ARID1B: variants seen among roughly 807,000 people sequenced by gnomAD.
The protein encoded by ARID1B is AT-rich interactive domain-containing protein 1B.
ARID1B carries 30 observed loss-of-function variants against 212.3 expected under a neutral mutation model. The observed-to-expected ratio is 0.14, with a 90% CI of 0.11 to 0.19. The LOEUF (loss-of-function observed/expected upper bound fraction) is 0.19, where lower values mean the gene tolerates loss of function less well. Ranked by LOEUF, ARID1B falls within the 10% of genes least tolerant of loss-of-function variation. ARID1B has a pLI of 1.00. For synonymous variants in ARID1B, 1,402 were observed against 1,301.7 expected, an observed-to-expected ratio of 1.08 and a Z score of -1.66; for missense variants, 2,891 against 3,204.0, an observed-to-expected ratio of 0.90 and a Z score of 2.36.
At chr6:157,102,284 A>G (rs1786098807) in intron 5 of ARID1B, among the ~76,000 whole-genome samples, 1 of 152,200 alleles carries the variant, frequency 6.6e-6, no homozygotes, top group South Asian at 2.1e-4. Flanking sequence ...TCTGATCAGT[A>G]GTTGATCTGA....
chr6:156,949,364 G>T (rs1299622400), intron 4 of ARID1B, among the ~76,000 whole-genome samples: 1 of 152,162 alleles, frequency 6.6e-6, no homozygotes, highest in Non-Finnish European at 1.5e-5. Flanking sequence ...ACTCCACCTA[G>T]AGTACTTTGC....
chr6:157,153,789 C>T (rs148058729), intron 8 of ARID1B, among the ~76,000 whole-genome samples: 6 of 152,302 alleles, frequency 3.9e-5, no homozygotes, highest in African/African-American at 1.4e-4. Context: ...GCACGTGCCA[C>T]CATACCTGGC....
At chr6:156,800,767 C>A (rs1780724130) in intron 1 of ARID1B, among the ~76,000 whole-genome samples, 1 of 151,992 alleles carries the variant, frequency 6.6e-6, no homozygotes, top group Non-Finnish European at 1.5e-5. Context: ...ATTAGCCAGG[C>A]ATGGTGGTGT....
intron 2 of ARID1B, among the ~76,000 whole-genome samples, chr6:156,889,282 G>A (rs1787747921): frequency 6.6e-6 from 1 of 152,118 alleles, no homozygotes; most frequent in Non-Finnish European, 1.5e-5. Flanking sequence ...ATTTTTTCCT[G>A]TTGTTCTTCT....
intron 12 of ARID1B, among the ~76,000 whole-genome samples, chr6:157,184,007 C>G (rs1488700781): frequency 6.6e-6 from 1 of 152,158 alleles, no homozygotes; most frequent in Non-Finnish European, 1.5e-5. Context: ...ATGTGGCGGG[C>G]AGAAGGACCT....
At chr6:156,796,127 T>A (rs1780357025) in intron 1 of ARID1B, among the ~76,000 whole-genome samples, 1 of 152,228 alleles carries the variant, frequency 6.6e-6, no homozygotes, top group South Asian at 2.1e-4. Flanking sequence ...CATACCCCTG[T>A]AATTCTGTTT....
intron 3 of ARID1B, among the ~76,000 whole-genome samples, chr6:156,906,222 T>C (rs1347500121): frequency 1.3e-5 from 2 of 151,948 alleles, no homozygotes; most frequent in Non-Finnish European, 2.9e-5. Context: ...AATTTTTATC[T>C]AGGAGACAGG....
intron 6 of ARID1B, among the ~76,000 whole-genome samples, chr6:157,117,185 G>GTAC (rs1409574166): frequency 6.6e-6 from 1 of 152,050 alleles, no homozygotes; most frequent in African/African-American, 2.4e-5. Flanking sequence ...TTCTTTTTGC[G>GTAC]TACTACTACA....
At chr6:157,179,380 C>A (rs1418204331) in intron 11 of ARID1B, among the ~76,000 whole-genome samples, 1 of 151,970 alleles carries the variant, frequency 6.6e-6, no homozygotes, top group Non-Finnish European at 1.5e-5. Context: ...GTCAAGTAGG[C>A]CTTGGGTACA....
chr6:157,037,571 A>C (rs1336427235), intron 4 of ARID1B, among the ~76,000 whole-genome samples: 2 of 152,178 alleles, frequency 1.3e-5, no homozygotes, highest in Non-Finnish European at 2.9e-5. Context: ...AAAATATCTG[A>C]GGAAGCTAAA....
At chr6:157,110,840 C>A in intron 6 of ARID1B, 1 of 484,410 alleles carries the variant, frequency 2.1e-6, no homozygotes, top group South Asian at 2.7e-5. Context: ...TGACTGTAGT[C>A]TGGTATTTGG....
At chr6:156,926,909 T>TGAC (rs1791265036) in intron 3 of ARID1B, among the ~76,000 whole-genome samples, 1 of 152,188 alleles carries the variant, frequency 6.6e-6, no homozygotes, top group Non-Finnish European at 1.5e-5. Context: ...CTCGAACTCC[T>TGAC]GACGCCGTGA....
intron 7 of ARID1B, among the ~76,000 whole-genome samples, chr6:157,135,197 C>T (rs1024490425): frequency 6.6e-6 from 1 of 151,762 alleles, no homozygotes. Context: ...TGCTGTGTCT[C>T]CTTGGAAAAC....
chr6:157,163,880 G>C (rs1791127202), intron 8 of ARID1B, among the ~76,000 whole-genome samples: 1 of 152,264 alleles, frequency 6.6e-6, no homozygotes, highest in Non-Finnish European at 1.5e-5. Context: ...CATAGAGAAA[G>C]AAGTGTAGTA....
intron 2 of ARID1B, among the ~76,000 whole-genome samples, chr6:156,872,574 GCCTCCCAAAGTGCTGAGCCA>G (rs1295108580): frequency 6.6e-6 from 1 of 152,148 alleles, no homozygotes; most frequent in Non-Finnish European, 1.5e-5. Context: ...GCGCGCCTCA[GCCTCCCAAAGTGCTGAGCCA>G]CCTCCCAAGG....
intron 1 of ARID1B, among the ~76,000 whole-genome samples, chr6:156,798,431 T>C (rs1233118515): frequency 6.6e-6 from 1 of 152,240 alleles, no homozygotes; most frequent in Non-Finnish European, 1.5e-5. Flanking sequence ...TTTCACAGAT[T>C]CTAAGGTAAC....
At chr6:157,019,586 C>T (rs1337060355) in intron 4 of ARID1B, among the ~76,000 whole-genome samples, 1 of 152,194 alleles carries the variant, frequency 6.6e-6, no homozygotes, top group African/African-American at 2.4e-5. Flanking sequence ...AAATTTCTAG[C>T]CTGGTGGCTT....
At position 157,207,158 on chromosome 6, in the gene ARID1B, C is replaced by T. The variant is rs778311119; in HGVS notation, c.6386C>T (p.Ala2129Val). The change falls in exon 20 of 20, where the codon GCC becomes GTC. Residue 2129 changes from alanine (A) to valine (V), a missense_variant. Physicochemically the swap from Ala to Val is moderately conservative, Grantham distance 64 (BLOSUM62 0). Coordinates refer to ENST00000636930, the MANE Select transcript of ARID1B (RefSeq NM_001374828.1). This position sits in a 1 kb window ranked among gnomAD's most constrained non-coding sequence, Gnocchi z 8.5. ...EKEEDEDKGV[A>V]CSKDEWWWDC... ...GAGGAGGATGAGGACAAGGGGGTGG[C>T]CTGCAGCAAAGATGAGTGGTGGTGG... 42 of 1,614,058 alleles carry T rather than the reference C, an allele frequency of 2.6e-5. No individual in the cohort carries two copies. The East Asian group carries it at 8.2e-4, about 32-fold the overall frequency.
chr6:157,082,451 C>T (rs1326587024), intron 4 of ARID1B, among the ~76,000 whole-genome samples: 4 of 152,150 alleles, frequency 2.6e-5, no homozygotes, highest in Admixed American at 6.5e-5. Flanking sequence ...ATGCATCTCA[C>T]GTGCCCTTAC....
Sources: allele counts gnomAD v4.1 joint callset (sites outside exome capture counted in the v4.1 genomes callset), GRCh38; gene constraint gnomAD v4.1.1; non-coding constraint Gnocchi (gnomAD v3.1); transcripts MANE v1.5; gene names NCBI Gene and HGNC (gene_info 2026-07-23, HGNC 2026-07-21).